Variants in PTPRD observed in about 807,000 individuals in gnomAD.
PTPRD encodes receptor-type tyrosine-protein phosphatase delta.
Under a neutral mutation model 214.5 loss-of-function variants are expected in PTPRD, and 34 were observed. That is an observed-to-expected ratio of 0.16 (90% CI 0.12 to 0.21). The LOEUF (loss-of-function observed/expected upper bound fraction) is 0.21. Among genes scored for constraint, PTPRD ranks in the 10% least tolerant of loss-of-function variants. PTPRD has a pLI of 1.00. For synonymous variants in PTPRD, 1,128 were observed against 845.7 expected (o/e 1.33, Z -5.79); for missense variants, 2,545 against 2,398.7 (o/e 1.06, Z -1.27).
rs80135302 is a variant in PTPRD at position 8,973,246 on chromosome 9, C to A, written c.-104+45451G>T. ...TCCTCCCTCTAATCAACTGCCAAGT[C>A]TATTTTTTTCCATATTTATGTCCCT... On this transcript the variant is annotated intron_variant, in intron 11 of 45. Transcript: ENST00000381196. 8.8e-4 allele frequency among the ~76,000 whole-genome samples: 134 copies of A among 152,004 alleles called. No homozygotes were observed. The East Asian group carries it at 0.023, about 26-fold the overall frequency.
At chr9:9,494,693 A>T (rs1437067047) in intron 8 of PTPRD, among the ~76,000 whole-genome samples, 1 of 152,234 alleles carries the variant, frequency 6.6e-6, no homozygotes, top group African/African-American at 2.4e-5. Flanking sequence ...AATATGCCTC[A>T]TGTTAATGGA....
chr9:8,368,123 C>T (rs992442207), intron 39 of PTPRD, among the ~76,000 whole-genome samples: 2 of 152,112 alleles, frequency 1.3e-5, no homozygotes, highest in African/African-American at 4.8e-5. Flanking sequence ...CAGTTCTACC[C>T]CCATTTGTAG....
chr9:8,932,332 G>A (rs977322157), intron 11 of PTPRD, among the ~76,000 whole-genome samples: 3 of 152,142 alleles, frequency 2.0e-5, no homozygotes, highest in Non-Finnish European at 4.4e-5. Context: ...TGCTTTAGCT[G>A]TGTCCCAGAG....
chr9:9,961,507 A>T (rs561164582), intron 4 of PTPRD, among the ~76,000 whole-genome samples: 3 of 152,282 alleles, frequency 2.0e-5, no homozygotes, highest in Admixed American at 2.0e-4. Context: ...ATTAGTAAAA[A>T]TTCATTCAAG....
chr9:8,951,948 C>T (rs2099104208), intron 11 of PTPRD, among the ~76,000 whole-genome samples: 3 of 152,108 alleles, frequency 2.0e-5, no homozygotes, highest in Non-Finnish European at 4.4e-5. Flanking sequence ...TGCTGCTTCC[C>T]TAATTCATTC....
At chr9:8,366,595 A>T (rs1313921111) in intron 39 of PTPRD, among the ~76,000 whole-genome samples, 1 of 152,234 alleles carries the variant, frequency 6.6e-6, no homozygotes, top group Non-Finnish European at 1.5e-5. Flanking sequence ...CAAAAATCAA[A>T]GGGCAAAGAA....
At chr9:9,410,473 C>A (rs969084274) in intron 8 of PTPRD, among the ~76,000 whole-genome samples, 1 of 152,172 alleles carries the variant, frequency 6.6e-6, no homozygotes, top group Non-Finnish European at 1.5e-5. Flanking sequence ...TTTCCCCACA[C>A]AGAAATACAC....
chr9:9,369,595 G>A (rs944704981), intron 9 of PTPRD, among the ~76,000 whole-genome samples: 7 of 152,070 alleles, frequency 4.6e-5, no homozygotes, highest in African/African-American at 1.7e-4. Context: ...CTTTTGCTGT[G>A]CAGAAGCTCT....
At chr9:8,865,358 A>C in intron 11 of PTPRD, among the ~76,000 whole-genome samples, 1 of 152,134 alleles carries the variant, frequency 6.6e-6, no homozygotes, top group Admixed American at 6.6e-5. Flanking sequence ...TCTGATTGGA[A>C]CCCAGAGCTC....
chr9:9,200,032 T>C (rs2099940952), intron 9 of PTPRD, among the ~76,000 whole-genome samples: 1 of 152,176 alleles, frequency 6.6e-6, no homozygotes, highest in South Asian at 2.1e-4. Context: ...TCTGAAATGT[T>C]AATCAAATCA....
intron 5 of PTPRD, among the ~76,000 whole-genome samples, chr9:9,796,597 T>A (rs1242149585): frequency 6.6e-6 from 1 of 151,988 alleles, no homozygotes; most frequent in Non-Finnish European, 1.5e-5. Context: ...GCCTGATAAA[T>A]GTGTGGAGTA....
In PTPRD at chr9:8,934,254, TA is replaced by T. The variant is rs905624927; in HGVS notation, c.-104+84442del. Among the ~76,000 whole-genome samples, 14 of 149,828 alleles carry T rather than the reference TA, an allele frequency of 9.3e-5. 1 individual carries two copies. ...CTAAACAATTTACATGAAAATAACATAAAATTAAGTGAAGGCCCATCCTCCT... is the reference window on the plus strand; with the variant it reads ...CTAAACAATTTACATGAAAATAACATAAATTAAGTGAAGGCCCATCCTCCT... On this transcript the variant is annotated intron_variant, in intron 11 of 45. Coordinates refer to ENST00000381196, the MANE Select transcript of PTPRD (RefSeq NM_002839.4).
At chr9:10,105,427 G>A (rs1043516449) in intron 3 of PTPRD, among the ~76,000 whole-genome samples, 2 of 151,848 alleles carry the variant, frequency 1.3e-5, no homozygotes, top group Non-Finnish European at 2.9e-5. Flanking sequence ...TATTTCTGCA[G>A]TGGCAGTGTT....
At chr9:9,099,330 T>G (rs1591598129) in intron 10 of PTPRD, among the ~76,000 whole-genome samples, 1 of 152,202 alleles carries the variant, frequency 6.6e-6, no homozygotes, top group South Asian at 2.1e-4. Flanking sequence ...ACAGAGAGAA[T>G]GTGTCTCTCA....
intron 11 of PTPRD, among the ~76,000 whole-genome samples, chr9:8,737,870 T>G (rs548106038): frequency 6.6e-6 from 1 of 152,280 alleles, no homozygotes; most frequent in African/African-American, 2.4e-5. Context: ...AGGCTGATCT[T>G]GAACTCCTGA....
intron 10 of PTPRD, among the ~76,000 whole-genome samples, chr9:9,134,261 G>A (rs886687925): frequency 2.4e-4 from 36 of 147,514 alleles, no homozygotes; most frequent in Non-Finnish European, 1.3e-4. Context: ...TTTTAGTAGA[G>A]ACGAGGTTTC....
intron 9 of PTPRD, among the ~76,000 whole-genome samples, chr9:9,190,667 C>A (rs2099934589): frequency 6.6e-6 from 1 of 152,034 alleles, no homozygotes; most frequent in African/African-American, 2.4e-5. Context: ...ACATCCTAGC[C>A]CTGAGAACTG....
intron 2 of PTPRD, among the ~76,000 whole-genome samples, chr9:10,611,806 G>A (rs2081047664): frequency 6.6e-6 from 1 of 151,880 alleles, no homozygotes; most frequent in South Asian, 2.1e-4. Context: ...TCTAGTTCCA[G>A]GATTTTCCTC....
chr9:10,152,411 A>C (rs1239095089), intron 3 of PTPRD, among the ~76,000 whole-genome samples: 1 of 152,200 alleles, frequency 6.6e-6, no homozygotes, highest in Non-Finnish European at 1.5e-5. Flanking sequence ...TTTGATTACA[A>C]ATCATTCATC....
Sources: gnomAD v4.1 joint callset for allele counts (sites outside exome capture counted in the v4.1 genomes callset) on GRCh38, gnomAD v4.1.1 for gene constraint, MANE v1.5 for transcripts, NCBI Gene and HGNC (gene_info 2026-07-23, HGNC 2026-07-21) for gene names.